Variants in KIF16B observed in about 807,000 individuals in gnomAD.
KIF16B encodes the protein kinesin family member 16B, also known as kinesin-like protein KIF16B.
Under a neutral mutation model 156.3 loss-of-function variants are expected in KIF16B, and 98 were observed. That is an observed-to-expected ratio of 0.63 (90% CI 0.53 to 0.74). The LOEUF (loss-of-function observed/expected upper bound fraction) is 0.74, where lower values mean the gene tolerates loss of function less well. KIF16B is among the 30% of genes least tolerant of loss of function. The pLI, the probability that KIF16B is intolerant of heterozygous loss-of-function variation, is 0.00. For synonymous variants in KIF16B, 564 were observed against 583.7 expected, an observed-to-expected ratio of 0.97 and a Z score of 0.49; for missense variants, 1,421 against 1,606.5, an observed-to-expected ratio of 0.88 and a Z score of 1.97.
At chr20:16,481,684 G>A (rs915536637) in intron 12 of KIF16B, among the ~76,000 whole-genome samples, 2 of 152,266 alleles carry the variant, frequency 1.3e-5, no homozygotes, top group East Asian at 3.9e-4. Context: ...TGGACCTAGA[G>A]GAAAATGACC....
chr20:16,460,517 G>A (rs946484467), intron 12 of KIF16B, among the ~76,000 whole-genome samples: 32 of 151,708 alleles, frequency 2.1e-4, no homozygotes, highest in Non-Finnish European at 3.8e-4. Context: ...AGCGGAGATC[G>A]CACCACTGCA....
intron 12 of KIF16B, among the ~76,000 whole-genome samples, chr20:16,493,188 T>G (rs2068349383): frequency 6.6e-6 from 1 of 152,204 alleles, no homozygotes; most frequent in African/African-American, 2.4e-5. Flanking sequence ...AAAGGCCATC[T>G]CTAGGACCAT....
intron 12 of KIF16B, among the ~76,000 whole-genome samples, chr20:16,444,813 T>C (rs2066889807): frequency 6.6e-6 from 1 of 152,222 alleles, no homozygotes; most frequent in Non-Finnish European, 1.5e-5. Context: ...TGCACATACC[T>C]TGAACCTTTC....
chr20:16,432,423 T>C (rs1197833649), intron 12 of KIF16B, among the ~76,000 whole-genome samples: 2 of 152,072 alleles, frequency 1.3e-5, no homozygotes, highest in Admixed American at 6.6e-5. Flanking sequence ...CCTCTGTAAC[T>C]CCAACACCCA....
At chr20:16,400,912 C>T (rs2065639020) in intron 17 of KIF16B, among the ~76,000 whole-genome samples, 1 of 152,092 alleles carries the variant, frequency 6.6e-6, no homozygotes, top group African/African-American at 2.4e-5. Flanking sequence ...AAACTGGTTG[C>T]ACAGTAATGT....
rs138136533 is a variant in KIF16B, at chr20:16,371,671, C to T, written c.3441G>A (p.Thr1147=). Reference sequence around the variant, plus strand: ...CTTGGCTCCTTCAGCTTACCTTCATCGTGTCTGCAGATGTACTGCAGCCTT... The same window carrying T: ...CTTGGCTCCTTCAGCTTACCTTCATTGTGTCTGCAGATGTACTGCAGCCTT... ...ISEGCSTSAD[T]MKDNEKLHNG... is the part of the protein sequence containing the mutation. Residue 1147 remains threonine (T), a synonymous_variant, in exon 21 of 26, where the codon ACG becomes ACA. Coordinates refer to ENST00000354981, the MANE Select transcript of KIF16B (RefSeq NM_024704.5). 5.9e-4 allele frequency: 948 copies of T among 1,607,032 alleles called. 1 individual carries two copies. The highest frequency in any genetic ancestry group is 1.2e-3 in the Admixed American group (70 of 59,878).
intron 12 of KIF16B, among the ~76,000 whole-genome samples, chr20:16,476,968 CGAT>C (rs753309457): frequency 2.6e-5 from 4 of 151,846 alleles, no homozygotes; most frequent in Non-Finnish European, 4.4e-5. Flanking sequence ...AGGATGGTCT[CGAT>C]CTCCTGACCT....
chr20:16,442,783 C>T (rs1457209558), intron 12 of KIF16B, among the ~76,000 whole-genome samples: 1 of 151,868 alleles, frequency 6.6e-6, no homozygotes, highest in African/African-American at 2.4e-5. Context: ...TATTTCTTAG[C>T]CAGTTGAGGA....
intron 1 of KIF16B, among the ~76,000 whole-genome samples, chr20:16,536,318 T>C (rs947303667): frequency 2.0e-5 from 3 of 151,410 alleles, no homozygotes; most frequent in Admixed American, 1.3e-4. Context: ...AGTAGAATGA[T>C]AGATATCAGA....
chr20:16,423,437 T>G (rs1194964506), intron 15 of KIF16B, among the ~76,000 whole-genome samples: 1 of 152,092 alleles, frequency 6.6e-6, no homozygotes, highest in South Asian at 2.1e-4. Flanking sequence ...AGAAAGCACT[T>G]ACAAGGAGTT....
At chr20:16,548,440 CCGG>C (rs2070497341) in intron 1 of KIF16B, among the ~76,000 whole-genome samples, 1 of 152,214 alleles carries the variant, frequency 6.6e-6, no homozygotes, top group Non-Finnish European at 1.5e-5. Flanking sequence ...CAGTAAGGAA[CCGG>C]GCCACACAGG....
chr20:16,481,546 T>C (rs535404487), intron 12 of KIF16B, among the ~76,000 whole-genome samples: 5 of 152,292 alleles, frequency 3.3e-5, no homozygotes, highest in African/African-American at 9.6e-5. Flanking sequence ...GGATGAGAAA[T>C]AGGACTTAGC....
intron 25 of KIF16B, among the ~76,000 whole-genome samples, chr20:16,276,854 TTTAA>T (rs979011574): frequency 5.9e-5 from 9 of 152,226 alleles, no homozygotes; most frequent in Admixed American, 2.6e-4. Flanking sequence ...CCTTGCTGAT[TTTAA>T]TTAGTTATCT....
At chr20:16,489,327 C>T (rs371992261) in intron 12 of KIF16B, among the ~76,000 whole-genome samples, 4 of 152,202 alleles carry the variant, frequency 2.6e-5, no homozygotes, top group African/African-American at 9.6e-5. Context: ...AAGGGCGGCC[C>T]ACAGGGGTCA....
intron 17 of KIF16B, among the ~76,000 whole-genome samples, chr20:16,384,285 C>T (rs1247435144): frequency 6.6e-6 from 1 of 152,140 alleles, no homozygotes; most frequent in East Asian, 1.9e-4. Flanking sequence ...ACCAGGCTCC[C>T]GGTCTGTAAG....
At chr20:16,387,635 T>C (rs1027403414) in intron 17 of KIF16B, among the ~76,000 whole-genome samples, 1 of 152,142 alleles carries the variant, frequency 6.6e-6, no homozygotes, top group Non-Finnish European at 1.5e-5. Context: ...CTTAGAATGA[T>C]GAAAGGCTTA....
chr20:16,276,252 C>A (rs772330197), intron 25 of KIF16B, among the ~76,000 whole-genome samples: 2 of 151,716 alleles, frequency 1.3e-5, no homozygotes, highest in Non-Finnish European at 2.9e-5. Flanking sequence ...GCCAATAAAG[C>A]CTAAAGGGTA....
chr20:16,432,111 T>C (rs8114440), intron 12 of KIF16B, among the ~76,000 whole-genome samples: 2,237 of 152,068 alleles, frequency 0.015, 20 homozygotes, highest in Middle Eastern at 0.037. Context: ...TGGTAGGCCT[T>C]ATCTTGACAT....
intron 25 of KIF16B, among the ~76,000 whole-genome samples, chr20:16,300,491 T>A (rs2063456343): frequency 6.6e-6 from 1 of 152,144 alleles, no homozygotes. Flanking sequence ...TCCCTCTTCT[T>A]CTTTTTCTTT....
Sources: allele counts gnomAD v4.1 joint callset (sites outside exome capture counted in the v4.1 genomes callset), GRCh38; gene constraint gnomAD v4.1.1; transcripts MANE v1.5; gene names NCBI Gene and HGNC (gene_info 2026-07-23, HGNC 2026-07-21).